Variants in FAM135B observed in about 807,000 individuals in gnomAD.
The protein encoded by FAM135B is family with sequence similarity 135 member B.
In FAM135B, 43 loss-of-function variants were observed where a neutral mutation model predicts 127.7. The ratio of observed to expected loss-of-function variants is 0.34; its 90% CI spans 0.26 to 0.43. The LOEUF is 0.43. Among genes scored for constraint, FAM135B ranks in the 20% least tolerant of loss-of-function variants. The probability of loss-of-function intolerance (pLI) is 1.00; values close to 1 mark genes in which losing one functional copy is unlikely to be tolerated. For missense variants in FAM135B, 1,558 were observed against 1,725.6 expected, an observed-to-expected ratio of 0.90 and a Z score of 1.72; for synonymous variants, 670 against 665.1, an observed-to-expected ratio of 1.01 and a Z score of -0.11.
chr8:138,413,379 T>C (rs1181087321), intron 1 of FAM135B, among the ~76,000 whole-genome samples: 1 of 152,184 alleles, frequency 6.6e-6, no homozygotes, highest in African/African-American at 2.4e-5. Flanking sequence ...TTAATTATTA[T>C]GTATTTTTAA....
chr8:138,216,810 A>G (rs1818583414), intron 7 of FAM135B, among the ~76,000 whole-genome samples: 2 of 152,286 alleles, frequency 1.3e-5, no homozygotes, highest in Admixed American at 1.3e-4. Flanking sequence ...CAATAAGCAT[A>G]TTCATATAGC....
intron 1 of FAM135B, among the ~76,000 whole-genome samples, chr8:138,380,462 G>A (rs1006192007): frequency 1.3e-5 from 2 of 152,094 alleles, no homozygotes; most frequent in African/African-American, 2.4e-5. Flanking sequence ...CCAAAGTGCT[G>A]GAATTACAGG....
chr8:138,318,883 T>C (rs186840870), intron 2 of FAM135B, among the ~76,000 whole-genome samples: 17 of 152,344 alleles, frequency 1.1e-4, no homozygotes, highest in East Asian at 7.7e-4. Flanking sequence ...ACTGCTTTAG[T>C]AATTTCCTTT....
At chr8:138,157,102 T>C (rs1417318961) in intron 12 of FAM135B, among the ~76,000 whole-genome samples, 2 of 152,172 alleles carry the variant, frequency 1.3e-5, no homozygotes, top group African/African-American at 4.8e-5. Context: ...TCCACCACGA[T>C]CAAGTTGGCT....
intron 1 of FAM135B, among the ~76,000 whole-genome samples, chr8:138,445,162 T>A (rs1836051377): frequency 6.6e-6 from 1 of 152,158 alleles, no homozygotes; most frequent in Non-Finnish European, 1.5e-5. Context: ...CAATAATTAA[T>A]AGCTTACCAA....
intron 7 of FAM135B, among the ~76,000 whole-genome samples, chr8:138,238,861 T>G (rs549471997): frequency 6.6e-6 from 1 of 152,296 alleles, no homozygotes; most frequent in African/African-American, 2.4e-5. Context: ...TGGATGGGAC[T>G]CAAATGGAAA....
At chr8:138,223,952 G>A (rs921511078) in intron 7 of FAM135B, among the ~76,000 whole-genome samples, 17 of 151,918 alleles carry the variant, frequency 1.1e-4, no homozygotes, top group African/African-American at 4.1e-4. Context: ...AATGTCACAT[G>A]TTCTCACTTT....
intron 7 of FAM135B, among the ~76,000 whole-genome samples, chr8:138,232,212 T>C (rs1027712813): frequency 7.9e-5 from 12 of 152,032 alleles, no homozygotes; most frequent in Admixed American, 7.9e-4. Flanking sequence ...ATGTCTGTCA[T>C]GCACCATGAG....
At chr8:138,339,358 A>AATATATATATATATAT (rs143774221) in intron 2 of FAM135B, among the ~76,000 whole-genome samples, 100 of 147,740 alleles carry the variant, frequency 6.8e-4, no homozygotes, top group East Asian at 1.8e-3. Flanking sequence ...AAACTAACTA[A>AATATATATATATATAT]ATATATATAT....
At chr8:138,139,435 T>C (rs898871610) in intron 17 of FAM135B, among the ~76,000 whole-genome samples, 3 of 152,194 alleles carry the variant, frequency 2.0e-5, no homozygotes. Flanking sequence ...TCCTTACAGA[T>C]ACATTTAGGA....
intron 3 of FAM135B, among the ~76,000 whole-genome samples, chr8:138,291,046 T>C (rs1438145342): frequency 6.6e-6 from 1 of 152,188 alleles, no homozygotes; most frequent in Non-Finnish European, 1.5e-5. Flanking sequence ...TGCATCTCCA[T>C]ACCCTGGCGT....
chr8:138,157,155 T>G (rs1818841985), intron 12 of FAM135B, among the ~76,000 whole-genome samples: 1 of 152,296 alleles, frequency 6.6e-6, no homozygotes, highest in East Asian at 1.9e-4. Flanking sequence ...TGCAAATCAA[T>G]AAACGTAATT....
At chr8:138,393,754 G>GTGA (rs1182969212) in intron 1 of FAM135B, among the ~76,000 whole-genome samples, 1 of 152,156 alleles carries the variant, frequency 6.6e-6, no homozygotes, top group Non-Finnish European at 1.5e-5. Flanking sequence ...ATCTCTGCAT[G>GTGA]AGTCTCTCCT....
At chr8:138,402,830 C>A (rs1356405819) in intron 1 of FAM135B, among the ~76,000 whole-genome samples, 2 of 152,118 alleles carry the variant, frequency 1.3e-5, no homozygotes, top group Non-Finnish European at 2.9e-5. Context: ...CCAAACAATT[C>A]ACATGGTAAA....
At chr8:138,485,632 A>T (rs559674299) in intron 1 of FAM135B, among the ~76,000 whole-genome samples, 1 of 152,342 alleles carries the variant, frequency 6.6e-6, no homozygotes, top group Non-Finnish European at 1.5e-5. Flanking sequence ...ACACGATTGA[A>T]GTCTTTCAAT....
At chr8:138,249,130 C>T (rs1254944072) in intron 6 of FAM135B, among the ~76,000 whole-genome samples, 1 of 152,124 alleles carries the variant, frequency 6.6e-6, no homozygotes, top group African/African-American at 2.4e-5. Context: ...CCTTACTAGC[C>T]TCACCTCGCA....
chr8:138,267,673 T>C (rs1823044703), intron 3 of FAM135B, among the ~76,000 whole-genome samples: 1 of 151,850 alleles, frequency 6.6e-6, no homozygotes, highest in Admixed American at 6.5e-5. Flanking sequence ...GGACACAGGA[T>C]CACAGTCACC....
chr8:138,174,104 T>G lies in FAM135B; in HGVS notation c.1103+3243A>C, dbSNP rs114644587. Among the ~76,000 whole-genome samples the G allele has an allele frequency of 5.4e-3, 817 of 152,302 alleles. 7 individuals are homozygous for G. Among genetic ancestry groups the G allele is most frequent in the African/African-American group, 0.018 (743 of 41,562 alleles). The stretch of plus-strand genomic sequence containing the variant: ...CCTTCCTCATACCATCTATTCTGCC[T>G]TGCCCTGTCCTTTCCTACTCCCTCC... On this transcript the variant is annotated intron_variant, in intron 11 of 19. Transcript: ENST00000395297.
intron 2 of FAM135B, among the ~76,000 whole-genome samples, chr8:138,317,169 T>G (rs1587070059): frequency 6.6e-6 from 1 of 152,156 alleles, no homozygotes; most frequent in East Asian, 1.9e-4. Context: ...CTGTGGAAAC[T>G]ACTCCTCAAT....
Sources: allele counts gnomAD v4.1 joint callset (sites outside exome capture counted in the v4.1 genomes callset), GRCh38; gene constraint gnomAD v4.1.1; transcripts MANE v1.5; gene names NCBI Gene and HGNC (gene_info 2026-07-23, HGNC 2026-07-21).